The following RGS6 variants were observed in gnomAD, a reference collection of about 807,000 sequenced individuals.
The protein encoded by RGS6 is regulator of G-protein signaling 6.
In RGS6, 30 loss-of-function variants were observed where a neutral mutation model predicts 78.5. That is an observed-to-expected ratio of 0.38 (90% CI 0.29 to 0.52). RGS6 has a LOEUF of 0.52. Among genes scored for constraint, RGS6 ranks in the 20% least tolerant of loss-of-function variants. The pLI, the probability that RGS6 is intolerant of heterozygous loss-of-function variation, is 0.85. For synonymous variants in RGS6, 206 were observed against 206.0 expected (o/e 1.00, Z 0.00); for missense variants, 495 against 609.7 (o/e 0.81, Z 1.98).
intron 2 of RGS6, among the ~76,000 whole-genome samples, chr14:72,045,919 C>T (rs969680806): frequency 6.6e-6 from 1 of 152,084 alleles, no homozygotes; most frequent in Non-Finnish European, 1.5e-5. Flanking sequence ...CCCCGCACCC[C>T]GCCAAGTTTA....
At chr14:72,195,389 TGTA>T (rs1204470666) in intron 2 of RGS6, among the ~76,000 whole-genome samples, 1 of 152,132 alleles carries the variant, frequency 6.6e-6, no homozygotes, top group East Asian at 1.9e-4. Context: ...GCCAGGGCTA[TGTA>T]TATACATTTC....
Position 72,458,328 on chromosome 14 carries a change from C to G in RGS6, c.293C>G (p.Ser98Ter). Residue 98 changes from serine (S) to a stop codon, truncating the protein, a stop_gained, in exon 5 of 18, where the codon TCA becomes TGA. Transcript: ENST00000553525. LOFTEE classifies it high-confidence loss of function. ...IAAQGYIFPI[S>*]DHVLTMKDDG... Reference sequence around the variant, plus strand: ...GCCCAGGGCTACATCTTTCCAATCTCAGACCATGTTCTCACCATGAAGGAT... The same window carrying G: ...GCCCAGGGCTACATCTTTCCAATCTGAGACCATGTTCTCACCATGAAGGAT... The G allele has an allele frequency of 6.2e-7, 1 of 1,614,204 alleles. No individual in the cohort carries two copies. Among genetic ancestry groups the G allele is most frequent in the Non-Finnish European group, 8.5e-7 (1 of 1,180,022 alleles).
At chr14:71,938,583 G>T (rs2089961338) in intron 1 of RGS6, among the ~76,000 whole-genome samples, 1 of 152,200 alleles carries the variant, frequency 6.6e-6, no homozygotes, top group African/African-American at 2.4e-5. Flanking sequence ...GGCTAGGGGA[G>T]AGAAGGCAGG....
rs533658022 is a variant in RGS6 at position 72,184,194 on chromosome 14, A to T, written c.85-167901A>T. The stretch of plus-strand genomic sequence containing the variant: ...GAAGCTTCTTATAGGCAGAAACTGG[A>T]CCTCATTCATCTTTTTATCTTTTAC... On this transcript the variant is annotated intron_variant, in intron 2 of 17. Transcript: ENST00000553525. 1.2e-4 allele frequency among the ~76,000 whole-genome samples: 19 copies of T among 152,158 alleles called. No homozygotes were observed. In the East Asian group the frequency reaches 3.7e-3, roughly 29 times the overall value.
intron 2 of RGS6, among the ~76,000 whole-genome samples, chr14:72,028,139 A>C (rs1329320109): frequency 6.6e-6 from 1 of 152,188 alleles, no homozygotes; most frequent in Non-Finnish European, 1.5e-5. Context: ...TGCCCTTCTG[A>C]AAACACGAAC....
At position 71,954,050 on chromosome 14, in the gene RGS6, C is replaced by T. The variant is rs148800987; in HGVS notation, c.-20-10722C>T. ...CTTGCATGGCTTCTGTAATTCTTAT[C>T]CTCATTCTTCTATAGGTAAGGAATC... On this transcript the variant is annotated intron_variant, in intron 1 of 17. Transcript: ENST00000553525. 8.9e-3 allele frequency among the ~76,000 whole-genome samples: 1,082 copies of T among 121,276 alleles called. 6 individuals carry two copies. The highest frequency in any genetic ancestry group is 0.013 in the Non-Finnish European group (787 of 62,510). 79.6% of individuals were successfully genotyped at this position (121,276 alleles called of 152,430 possible).
At chr14:72,600,776 C>CA in the RGS6 span, among the ~76,000 whole-genome samples, 3 of 152,156 alleles carry the variant, frequency 2.0e-5, no homozygotes, top group Non-Finnish European at 2.9e-5. Context: ...CACAGGAGGG[C>CA]CAGCCAGGCC....
chr14:72,467,054 C>T (rs1352015287), intron 7 of RGS6, among the ~76,000 whole-genome samples: 1 of 152,134 alleles, frequency 6.6e-6, no homozygotes, highest in African/African-American at 2.4e-5. Flanking sequence ...TTAGAGGCCC[C>T]ACCACCAAAC....
intron 2 of RGS6, among the ~76,000 whole-genome samples, chr14:72,078,492 C>T (rs1359034320): frequency 1.3e-5 from 2 of 152,136 alleles, no homozygotes; most frequent in African/African-American, 2.4e-5. Context: ...CAGCTCACTG[C>T]AACCTCCGCC....
At chr14:72,029,567 T>A (rs940323718) in intron 2 of RGS6, among the ~76,000 whole-genome samples, 4 of 152,208 alleles carry the variant, frequency 2.6e-5, no homozygotes, top group Non-Finnish European at 5.9e-5. Context: ...AGTACTTTCC[T>A]TTGCTGCAGG....
At chr14:71,884,963 G>A in the RGS6 span, among the ~76,000 whole-genome samples, 133 of 152,190 alleles carry the variant, frequency 8.7e-4, no homozygotes, top group African/African-American at 2.8e-3. Flanking sequence ...TGCCCTGAAT[G>A]CCTCATTTGC....
At chr14:72,430,508 G>A (rs1313020553) in intron 3 of RGS6, among the ~76,000 whole-genome samples, 1 of 152,134 alleles carries the variant, frequency 6.6e-6, no homozygotes, top group Admixed American at 6.5e-5. Context: ...CATGCACAAC[G>A]TTCACCTTTG....
At chr14:72,486,176 T>C (rs1305317256) in intron 12 of RGS6, among the ~76,000 whole-genome samples, 2 of 152,160 alleles carry the variant, frequency 1.3e-5, no homozygotes, top group East Asian at 1.9e-4. Context: ...CCTTCCCCCA[T>C]GATTGTAAGT....
chr14:72,277,057 C>T (rs1443962349), intron 2 of RGS6, among the ~76,000 whole-genome samples: 1 of 152,168 alleles, frequency 6.6e-6, no homozygotes, highest in Non-Finnish European at 1.5e-5. Context: ...TCAATCCATA[C>T]ATATTGAATT....
At chr14:72,455,042 A>T (rs1032353927) in intron 4 of RGS6, among the ~76,000 whole-genome samples, 1 of 152,186 alleles carries the variant, frequency 6.6e-6, no homozygotes, top group African/African-American at 2.4e-5. Flanking sequence ...AATTAGGAAG[A>T]CCTTACCAGG....
intron 2 of RGS6, among the ~76,000 whole-genome samples, chr14:72,184,841 G>T (rs2097218276): frequency 6.6e-6 from 1 of 152,152 alleles, no homozygotes; most frequent in South Asian, 2.1e-4. Context: ...CTTAGTCAGG[G>T]TTCTCTAGAG....
intron 2 of RGS6, among the ~76,000 whole-genome samples, chr14:72,158,406 C>G (rs1053397055): frequency 1.3e-5 from 2 of 152,186 alleles, no homozygotes; most frequent in Non-Finnish European, 2.9e-5. Context: ...CAAAGATGGT[C>G]ATATGTGAGA....
chr14:72,200,972 AAAAAAAAAAAAAAAAG>A (rs1375834330), intron 2 of RGS6, among the ~76,000 whole-genome samples: 9 of 54,026 alleles, frequency 1.7e-4, no homozygotes, highest in Non-Finnish European at 3.2e-4. Flanking sequence ...AAAAAAAAAA[AAAAAAAAAAAAAAAAG>A]AAGAAGAAAA....
At chr14:71,992,349 C>T (rs1019215329) in intron 2 of RGS6, among the ~76,000 whole-genome samples, 1 of 152,176 alleles carries the variant, frequency 6.6e-6, no homozygotes, top group African/African-American at 2.4e-5. Context: ...ATTTTTAATG[C>T]CTAAATAGTG....
Sources: gnomAD v4.1 joint callset for allele counts (sites outside exome capture counted in the v4.1 genomes callset) on GRCh38, gnomAD v4.1.1 for gene constraint, MANE v1.5 for transcripts, NCBI Gene and HGNC (gene_info 2026-07-23, HGNC 2026-07-21) for gene names.